Variants in CSMD3 observed in about 807,000 individuals in gnomAD.
CSMD3 encodes the protein CUB and Sushi multiple domains 3.
A neutral mutation model predicts 435.2 loss-of-function variants in CSMD3; 177 were observed. That is an observed-to-expected ratio of 0.41 (90% CI 0.36 to 0.46). CSMD3 has a LOEUF of 0.46. Ranked by LOEUF, CSMD3 falls within the 20% of genes least tolerant of loss-of-function variation. CSMD3 has a pLI of 0.34. For missense variants in CSMD3, 4,265 were observed against 4,504.6 expected, an observed-to-expected ratio of 0.95 and a Z score of 1.52; for synonymous variants, 1,656 against 1,520.5, an observed-to-expected ratio of 1.09 and a Z score of -2.07.
chr8:113,367,017 T>TAC (rs1446375484), intron 1 of CSMD3, among the ~76,000 whole-genome samples: 4 of 151,904 alleles, frequency 2.6e-5, no homozygotes, highest in Non-Finnish European at 4.4e-5. Context: ...TTGAAATGAG[T>TAC]ACTTTTTTTA....
chr8:112,631,760 T>C (rs966026657), intron 22 of CSMD3, among the ~76,000 whole-genome samples: 2 of 151,920 alleles, frequency 1.3e-5, no homozygotes, highest in African/African-American at 4.8e-5. Flanking sequence ...TAAATATATA[T>C]TTCTTTATAT....
intron 1 of CSMD3, among the ~76,000 whole-genome samples, chr8:113,327,054 G>A (rs543175017): frequency 1.3e-5 from 2 of 152,172 alleles, no homozygotes; most frequent in East Asian, 1.9e-4. Flanking sequence ...CTAAGTCCCA[G>A]CTGGATTTCC....
chr8:113,314,178 G>GT (rs1444335252), intron 2 of CSMD3: 1 of 161,132 alleles, frequency 6.2e-6, no homozygotes, highest in Non-Finnish European at 1.4e-5. Context: ...GACTTAAGGT[G>GT]TTTTTGCATA....
intron 6 of CSMD3, among the ~76,000 whole-genome samples, chr8:113,008,478 G>A (rs549120368): frequency 6.6e-6 from 1 of 151,858 alleles, no homozygotes; most frequent in Admixed American, 6.6e-5. Context: ...GTAGCCTCCA[G>A]CCACTTGTAG....
chr8:112,508,100 G>A (rs1463725114), intron 28 of CSMD3, among the ~76,000 whole-genome samples: 2 of 151,952 alleles, frequency 1.3e-5, no homozygotes, highest in African/African-American at 2.4e-5. Context: ...CCGTCAACCT[G>A]GTCACATAAT....
intron 6 of CSMD3, among the ~76,000 whole-genome samples, chr8:112,986,289 C>T (rs2085251811): frequency 2.0e-5 from 3 of 152,094 alleles, no homozygotes; most frequent in Non-Finnish European, 2.9e-5. Flanking sequence ...GGAAACTCTA[C>T]CTTGATATTA....
At chr8:112,699,968 G>A (rs2076352626) in intron 13 of CSMD3, among the ~76,000 whole-genome samples, 1 of 152,130 alleles carries the variant, frequency 6.6e-6, no homozygotes, top group African/African-American at 2.4e-5. Flanking sequence ...GTGTGTGTGT[G>A]TGCGTGCGTG....
chr8:112,494,353 T>C (rs909179522), intron 30 of CSMD3, among the ~76,000 whole-genome samples: 1 of 151,916 alleles, frequency 6.6e-6, no homozygotes, highest in South Asian at 2.1e-4. Flanking sequence ...TTTCGTTCTT[T>C]CTTTCTACAA....
At chr8:113,101,326 G>C (rs1182582550) in intron 4 of CSMD3, among the ~76,000 whole-genome samples, 1 of 152,058 alleles carries the variant, frequency 6.6e-6, no homozygotes, top group Non-Finnish European at 1.5e-5. Context: ...TGCCAAGCCA[G>C]AACTCCCTCA....
chr8:112,728,384 C>T (rs1460529839), intron 13 of CSMD3, among the ~76,000 whole-genome samples: 1 of 151,822 alleles, frequency 6.6e-6, no homozygotes, highest in African/African-American at 2.4e-5. Context: ...TATATCTATA[C>T]ACGTATGTAT....
intron 3 of CSMD3, among the ~76,000 whole-genome samples, chr8:113,220,610 T>C (rs1427744754): frequency 6.6e-6 from 1 of 151,496 alleles, no homozygotes. Flanking sequence ...AGTCAAATAT[T>C]GGCTGGTTGA....
intron 31 of CSMD3, among the ~76,000 whole-genome samples, chr8:112,473,320 G>C (rs927622569): frequency 3.3e-5 from 5 of 152,062 alleles, no homozygotes; most frequent in African/African-American, 1.2e-4. Context: ...GTATATGGGG[G>C]TCCTGTTATT....
At chr8:113,200,420 G>T (rs1368833346) in intron 3 of CSMD3, among the ~76,000 whole-genome samples, 1 of 151,464 alleles carries the variant, frequency 6.6e-6, no homozygotes, top group East Asian at 2.0e-4. Context: ...ATCTTAAAAG[G>T]TAAATCATAA....
chr8:113,009,769 A>G (rs946972346), intron 6 of CSMD3, among the ~76,000 whole-genome samples: 3 of 151,796 alleles, frequency 2.0e-5, no homozygotes, highest in Non-Finnish European at 4.4e-5. Flanking sequence ...TGAAATTATT[A>G]CCTTTCCCAA....
chr8:112,612,850 C>T (rs972821684), intron 22 of CSMD3, among the ~76,000 whole-genome samples: 5 of 150,594 alleles, frequency 3.3e-5, no homozygotes, highest in Admixed American at 6.7e-5. Flanking sequence ...CCAGAGACAC[C>T]GAAATCACAG....
chr8:113,420,920 A>C (rs11991205), intron 1 of CSMD3, among the ~76,000 whole-genome samples: 1 of 151,724 alleles, frequency 6.6e-6, no homozygotes, highest in African/African-American at 2.4e-5. Context: ...TTGCACTCCA[A>C]TGAGATTCCG....
chr8:112,917,090 TATTCTATCAACAGTA>T (rs2082595545), intron 10 of CSMD3, among the ~76,000 whole-genome samples: 1 of 151,956 alleles, frequency 6.6e-6, no homozygotes, highest in African/African-American at 2.4e-5. Context: ...TAGATTGTTT[TATTCTATCAACAGTA>T]ATGGATGGGT....
At chr8:112,809,789 TA>T (rs144792614) in intron 12 of CSMD3, among the ~76,000 whole-genome samples, 1,728 of 151,568 alleles carry the variant, frequency 0.011, 35 homozygotes, top group African/African-American at 0.038. Context: ...GCATTTAAGT[TA>T]AAAAAAAACT....
intron 4 of CSMD3, among the ~76,000 whole-genome samples, chr8:113,126,179 T>C (rs1588120225): frequency 6.6e-6 from 1 of 151,860 alleles, no homozygotes; most frequent in East Asian, 1.9e-4. Flanking sequence ...TGAAATCTAG[T>C]GATGTTAAAT....
Sources: gnomAD v4.1 joint callset for allele counts (sites outside exome capture counted in the v4.1 genomes callset) on GRCh38, gnomAD v4.1.1 for gene constraint, MANE v1.5 for transcripts, NCBI Gene and HGNC (gene_info 2026-07-23, HGNC 2026-07-21) for gene names.